SUPT3H: variants seen among roughly 807,000 people sequenced by gnomAD.
SUPT3H encodes the protein SPT3 homolog, SAGA and STAGA complex component.
A neutral mutation model predicts 44.3 loss-of-function variants in SUPT3H; 44 were observed. That is an observed-to-expected ratio of 0.99 (90% CI 0.78 to 1.28). The LOEUF (loss-of-function observed/expected upper bound fraction) is 1.28, where lower values mean the gene tolerates loss of function less well. Among genes scored for constraint, SUPT3H ranks in the 50% most tolerant of loss-of-function variants. The probability of loss-of-function intolerance (pLI) is 0.00; values close to 1 mark genes in which losing one functional copy is unlikely to be tolerated. For missense variants in SUPT3H, 380 were observed against 387.1 expected (o/e 0.98, Z 0.15); for synonymous variants, 124 against 125.6 (o/e 0.99, Z 0.09).
chr6:44,997,321 C>A, intron 6 of SUPT3H, among the ~76,000 whole-genome samples: 1 of 151,736 alleles, frequency 6.6e-6, no homozygotes, highest in East Asian at 1.9e-4. Flanking sequence ...TTCATTTATA[C>A]ACTCATGTCT....
At chr6:45,131,888 A>T (rs961096916) in intron 2 of SUPT3H, among the ~76,000 whole-genome samples, 4 of 152,150 alleles carry the variant, frequency 2.6e-5, no homozygotes, top group African/African-American at 9.7e-5. Context: ...CATGGGAAAT[A>T]CGTTTTGAGA....
chr6:45,014,652 T>C, intron 5 of SUPT3H, 149 bp downstream of exon 5: 1 of 459,514 alleles, frequency 2.2e-6, no homozygotes, highest in Non-Finnish European at 3.8e-6. Flanking sequence ...TTATCAGAAA[T>C]ATATACTTTT....
At chr6:44,899,551 G>A (rs1764640885) in intron 10 of SUPT3H, among the ~76,000 whole-genome samples, 1 of 152,104 alleles carries the variant, frequency 6.6e-6, no homozygotes, top group Admixed American at 6.6e-5. Flanking sequence ...GCCAGGTGTG[G>A]TGGCGGGAAC....
intron 9 of SUPT3H, among the ~76,000 whole-genome samples, chr6:44,951,017 A>T (rs1225997570): frequency 6.6e-6 from 1 of 151,956 alleles, no homozygotes; most frequent in Admixed American, 6.6e-5. Flanking sequence ...ACTCTATATA[A>T]TCTGAGCCTT....
chr6:44,955,837 T>C (rs563212809), intron 7 of SUPT3H, among the ~76,000 whole-genome samples: 72 of 152,186 alleles, frequency 4.7e-4, no homozygotes, highest in Non-Finnish European at 7.8e-4. Context: ...AAGATTCATG[T>C]AGGCTGGGCG....
intron 3 of SUPT3H, among the ~76,000 whole-genome samples, chr6:45,032,279 C>G (rs1787059293): frequency 6.6e-6 from 1 of 152,046 alleles, no homozygotes; most frequent in South Asian, 2.1e-4. Context: ...TCCCTAAGCT[C>G]AGATGTCAGT....
chr6:45,232,698 C>T (rs1037790788), intron 2 of SUPT3H, among the ~76,000 whole-genome samples: 16 of 152,134 alleles, frequency 1.1e-4, no homozygotes, highest in Admixed American at 2.0e-4. Context: ...CTACAGTGCA[C>T]GGTCACCAGC....
At chr6:45,039,857 A>ATT (rs1554217896) in intron 3 of SUPT3H, among the ~76,000 whole-genome samples, 2 of 151,328 alleles carry the variant, frequency 1.3e-5, no homozygotes, top group South Asian at 2.1e-4. Flanking sequence ...AAAAAAAAAA[A>ATT]TTTTGCTAGA....
At chr6:45,324,080 T>C (rs1785966118) in intron 2 of SUPT3H, among the ~76,000 whole-genome samples, 1 of 152,052 alleles carries the variant, frequency 6.6e-6, no homozygotes, top group Non-Finnish European at 1.5e-5. Flanking sequence ...CATATGAGCA[T>C]GTTTCCCATA....
intron 6 of SUPT3H, among the ~76,000 whole-genome samples, chr6:44,974,854 C>T (rs1468801509): frequency 6.6e-6 from 1 of 152,118 alleles, no homozygotes; most frequent in South Asian, 2.1e-4. Flanking sequence ...GTGAAAGCTA[C>T]CCTACTGCTG....
At position 44,829,814 on chromosome 6, in the gene SUPT3H, C is replaced by T. The variant is rs758883306; in HGVS notation, c.*2G>A. The T allele has an allele frequency of 1.9e-6, 3 of 1,613,106 alleles. No individual in the cohort carries two copies. Among genetic ancestry groups the T allele is most frequent in the Non-Finnish European group, 1.7e-6 (2 of 1,179,214 alleles). On this transcript the variant is annotated 3_prime_UTR_variant, in exon 11 of 11. Transcript: ENST00000371459. The stretch of plus-strand genomic sequence containing the variant: ...TGTTGCAGGCACATCACAGTTGTCA[C>T]ATCAGCAGGCTAGAAAAGCCATCCC...
At chr6:45,110,806 C>T (rs895114248) in intron 2 of SUPT3H, among the ~76,000 whole-genome samples, 2 of 151,486 alleles carry the variant, frequency 1.3e-5, no homozygotes, top group Non-Finnish European at 2.9e-5. Flanking sequence ...ACCTATTCTC[C>T]TCACATCTAC....
chr6:45,224,915 TAA>T (rs1202277119), intron 2 of SUPT3H, among the ~76,000 whole-genome samples: 4 of 152,032 alleles, frequency 2.6e-5, no homozygotes, highest in Non-Finnish European at 5.9e-5. Flanking sequence ...GACACAGAAA[TAA>T]AAGTTATCAT....
chr6:45,194,837 A>T (rs1325598644), intron 2 of SUPT3H, among the ~76,000 whole-genome samples: 1 of 152,188 alleles, frequency 6.6e-6, no homozygotes, highest in Admixed American at 6.5e-5. Flanking sequence ...AGTAGTATTC[A>T]TCTAATCTCA....
At chr6:45,315,652 A>G (rs971842297) in intron 2 of SUPT3H, among the ~76,000 whole-genome samples, 2 of 152,196 alleles carry the variant, frequency 1.3e-5, no homozygotes, top group Non-Finnish European at 2.9e-5. Context: ...GATGCGGTGA[A>G]CAGGGAACAC....
intron 2 of SUPT3H, among the ~76,000 whole-genome samples, chr6:45,327,426 A>G (rs1029579558): frequency 6.2e-4 from 94 of 152,040 alleles, no homozygotes; most frequent in African/African-American, 2.2e-3. Flanking sequence ...AGAACTATAT[A>G]AACTGAATAC....
At chr6:45,362,919 A>G (rs931471497) in intron 2 of SUPT3H, among the ~76,000 whole-genome samples, 2 of 152,188 alleles carry the variant, frequency 1.3e-5, no homozygotes, top group East Asian at 3.9e-4. Context: ...AAAAGAATAT[A>G]ATACTCTACA....
intron 11 of SUPT3H, among the ~76,000 whole-genome samples, chr6:44,816,808 C>T (rs1345647999): frequency 6.6e-6 from 1 of 152,156 alleles, no homozygotes; most frequent in Non-Finnish European, 1.5e-5. Context: ...AATCCCAGTA[C>T]TTTGGGAGGC....
At chr6:45,175,671 G>A (rs929454250) in intron 2 of SUPT3H, among the ~76,000 whole-genome samples, 1 of 151,776 alleles carries the variant, frequency 6.6e-6, no homozygotes, top group South Asian at 2.1e-4. Context: ...ACATGAATAC[G>A]ATACCATGGT....
Sources: gnomAD v4.1 joint callset for allele counts (sites outside exome capture counted in the v4.1 genomes callset) on GRCh38, gnomAD v4.1.1 for gene constraint, MANE v1.5 for transcripts, NCBI Gene and HGNC (gene_info 2026-07-23, HGNC 2026-07-21) for gene names.